ELAPOR1: variants seen among roughly 807,000 people sequenced by gnomAD.
ELAPOR1 encodes the protein endosome/lysosome-associated apoptosis and autophagy regulator 1.
A neutral mutation model predicts 119.7 loss-of-function variants in ELAPOR1; 77 were observed. The observed-to-expected ratio is 0.64, with a 90% CI of 0.54 to 0.78. ELAPOR1 has a LOEUF of 0.78. Ranked by LOEUF, ELAPOR1 falls within the 30% of genes least tolerant of loss-of-function variation. The pLI, the probability that ELAPOR1 is intolerant of heterozygous loss-of-function variation, is 0.00. For missense variants in ELAPOR1, 1,115 were observed against 1,270.4 expected, an observed-to-expected ratio of 0.88 and a Z score of 1.86; for synonymous variants, 481 against 487.2, an observed-to-expected ratio of 0.99 and a Z score of 0.17.
intron 2 of ELAPOR1, among the ~76,000 whole-genome samples, chr1:109,163,567 A>AT (rs35626059): frequency 0.48 from 70,237 of 147,784 alleles, 17,822 homozygotes; most frequent in Non-Finnish European, 0.57. Context: ...TAATTTAAAC[A>AT]TTTTTTTTTT....
In ELAPOR1 at chr1:109,206,467, A is replaced by G. The variant is rs968421389; in HGVS notation, c.*3455A>G. On this transcript the variant is annotated 3_prime_UTR_variant, in exon 22 of 22. Coordinates refer to ENST00000369939, the MANE Select transcript of ELAPOR1 (RefSeq NM_020775.5). ...TGGAACATGCAGTAACTGTCATGCT[A>G]TAGACATCATCTGTATTTGGCTGGG... 1.9e-4 allele frequency: 29 copies of G among 152,344 alleles called. No homozygotes were observed. Among genetic ancestry groups the G allele is most frequent in the African/African-American group, 6.5e-4 (27 of 41,578 alleles). The allele number at this position is 152,344 out of a possible 1,614,324, so 9.4% of individuals were successfully genotyped here.
intron 7 of ELAPOR1, among the ~76,000 whole-genome samples, chr1:109,182,675 G>C (rs1474729279): frequency 6.6e-6 from 1 of 151,944 alleles, no homozygotes; most frequent in East Asian, 1.9e-4. Context: ...AGACCATCCT[G>C]GCTAACACGG....
intron 2 of ELAPOR1, among the ~76,000 whole-genome samples, chr1:109,162,756 T>C (rs567438095): frequency 1.3e-5 from 2 of 152,254 alleles, no homozygotes; most frequent in Non-Finnish European, 2.9e-5. Context: ...AAATAAATAC[T>C]TGTTAAATTA....
Position 109,189,119 on chromosome 1 carries a change from T to C in ELAPOR1, c.1273T>C (p.Trp425Arg), listed in dbSNP as rs774832343. The C allele has an allele frequency of 2.5e-6, 4 of 1,614,076 alleles. No homozygotes were observed. In the South Asian group the frequency reaches 4.4e-5, roughly 18 times the overall value. ...TEPAVGFEYK[W>R]WNTLPTNMET... ...ACCTGCTGTGGGATTTGAATACAAA[T>C]GGTGGAACACGCTGCCCACAAACAT... The change falls in exon 10 of 22, where the codon TGG (tryptophan) becomes CGG (arginine). Residue 425 changes from tryptophan (W) to arginine (R), a missense_variant. Trp to Arg is a moderately radical substitution (Grantham distance 101, BLOSUM62 -3). Coordinates refer to ENST00000369939, the MANE Select transcript of ELAPOR1 (RefSeq NM_020775.5).
chr1:109,116,558 G>A (rs1182282970), intron 1 of ELAPOR1, among the ~76,000 whole-genome samples: 5 of 152,096 alleles, frequency 3.3e-5, no homozygotes, highest in Non-Finnish European at 7.4e-5. Context: ...AAAACAATCA[G>A]GGAGAGAATA....
rs148264861 is a variant in ELAPOR1 at position 109,156,990 on chromosome 1, A to G, written c.154-4904A>G. The stretch of plus-strand genomic sequence containing the variant: ...GGTGGACACTGGGCAGGCACAAACA[A>G]TAGATGTCTTTGTTGAACCTCCAAC... On this transcript the variant is annotated intron_variant, in intron 1 of 21. Transcript: ENST00000369939. Among the ~76,000 whole-genome samples the G allele has an allele frequency of 7.6e-3, 1,157 of 152,306 alleles. 7 individuals are homozygous for G. Among genetic ancestry groups the G allele is most frequent in the South Asian group, 0.029 (138 of 4,822 alleles).
chr1:109,168,449 T>C (rs1002546998), intron 3 of ELAPOR1, among the ~76,000 whole-genome samples: 4 of 152,070 alleles, frequency 2.6e-5, no homozygotes, highest in Admixed American at 6.6e-5. Context: ...AAATAAATAA[T>C]TGGGGACAAA....
chr1:109,183,550 TTCC>T (rs1652853851), intron 7 of ELAPOR1, among the ~76,000 whole-genome samples: 1 of 5,774 alleles, frequency 1.7e-4, no homozygotes, highest in African/African-American at 4.1e-4. Context: ...TTTCTTTCTT[TTCC>T]TTCCTTCCTT....
At chr1:109,124,056 C>A (rs879378953) in intron 1 of ELAPOR1, among the ~76,000 whole-genome samples, 1 of 152,154 alleles carries the variant, frequency 6.6e-6, no homozygotes, top group Non-Finnish European at 1.5e-5. Flanking sequence ...ACCCCCTCAG[C>A]CTTCCAAAGC....
chr1:109,118,509 C>A (rs910212787), intron 1 of ELAPOR1, among the ~76,000 whole-genome samples: 26 of 152,094 alleles, frequency 1.7e-4, no homozygotes, highest in African/African-American at 6.3e-4. Flanking sequence ...GGCAAGGAGA[C>A]CAATACTGAA....
chr1:109,168,537 C>T (rs1376111820), intron 3 of ELAPOR1, among the ~76,000 whole-genome samples: 1 of 152,086 alleles, frequency 6.6e-6, no homozygotes, highest in Non-Finnish European at 1.5e-5. Context: ...GGTTGATGTC[C>T]CAGGGCTAAG....
chr1:109,192,675 GT>G lies in ELAPOR1; in HGVS notation c.1749del (p.Val584TrpfsTer10), dbSNP rs752631180. 1 of 1,614,072 alleles carries G rather than the reference GT, an allele frequency of 6.2e-7. No individual in the cohort carries two copies. Among genetic ancestry groups the G allele is most frequent in the Admixed American group, 1.7e-5 (1 of 60,000 alleles). On this transcript the variant is annotated frameshift_variant, in exon 14 of 22. Coordinates refer to ENST00000369939, the MANE Select transcript of ELAPOR1 (RefSeq NM_020775.5). LOFTEE classifies it high-confidence loss of function. Reference sequence around the variant, plus strand: ...ATCAATGTCACCAATGTTATGAATGGTGTGGCCTCCTACTGCCGTCCCTGTG... The same window carrying G: ...ATCAATGTCACCAATGTTATGAATGGGTGGCCTCCTACTGCCGTCCCTGTG... ...YSINVTNVMN[G>X]VASYCRPCAL...
At chr1:109,187,805 C>T (rs1282014685) in intron 8 of ELAPOR1, 2 of 906,092 alleles carry the variant, frequency 2.2e-6, no homozygotes, top group African/African-American at 1.8e-5. Flanking sequence ...CACCCTTGTG[C>T]CTTTCTGTGT....
chr1:109,200,004 C>T, intron 19 of ELAPOR1, 24 bp downstream of exon 19: 1 of 1,613,844 alleles, frequency 6.2e-7, no homozygotes, highest in Non-Finnish European at 8.5e-7. Flanking sequence ...TGATCGGGCA[C>T]TTCCATGAGA....
intron 3 of ELAPOR1, among the ~76,000 whole-genome samples, chr1:109,169,793 G>A (rs983990167): frequency 1.4e-4 from 22 of 152,218 alleles, no homozygotes; most frequent in Non-Finnish European, 2.5e-4. Flanking sequence ...AGGATGTGGA[G>A]CAACAGGAAC....
chr1:109,158,751 C>T (rs1339413590), intron 1 of ELAPOR1, among the ~76,000 whole-genome samples: 1 of 152,114 alleles, frequency 6.6e-6, no homozygotes, highest in Non-Finnish European at 1.5e-5. Flanking sequence ...AAATTATATA[C>T]TTTCAGACAG....
At chr1:109,163,487 G>A (rs143522659) in intron 2 of ELAPOR1, among the ~76,000 whole-genome samples, 3 of 152,152 alleles carry the variant, frequency 2.0e-5, no homozygotes, top group African/African-American at 7.2e-5. Context: ...CGACCTCCTG[G>A]GCTCAAGTAA....
At chr1:109,193,587 T>G (rs1002905343) in intron 14 of ELAPOR1, among the ~76,000 whole-genome samples, 2 of 152,204 alleles carry the variant, frequency 1.3e-5, no homozygotes, top group African/African-American at 4.8e-5. Context: ...ATAAGCAGTG[T>G]TGTTGCCCCC....
chr1:109,167,096 G>A (rs1570672843), intron 3 of ELAPOR1, among the ~76,000 whole-genome samples: 1 of 152,224 alleles, frequency 6.6e-6, no homozygotes, highest in Non-Finnish European at 1.5e-5. Context: ...GAAGGAGCGG[G>A]AATGTGTGGG....
Sources: allele counts gnomAD v4.1 joint callset (sites outside exome capture counted in the v4.1 genomes callset), GRCh38; gene constraint gnomAD v4.1.1; transcripts MANE v1.5; gene names NCBI Gene and HGNC (gene_info 2026-07-23, HGNC 2026-07-21).